BRWD3: variants seen among roughly 807,000 people sequenced by gnomAD.
BRWD3 encodes the protein bromodomain and WD repeat-containing protein 3.
In BRWD3, 10 loss-of-function variants were observed where a neutral mutation model predicts 149.7. The observed-to-expected ratio is 0.07, with a 90% CI of 0.04 to 0.11. BRWD3 has a LOEUF of 0.11. Among genes scored for constraint, BRWD3 ranks in the 10% least tolerant of loss-of-function variants. The probability of loss-of-function intolerance (pLI) is 1.00; values close to 1 mark genes in which losing one functional copy is unlikely to be tolerated. For synonymous variants in BRWD3, 504 were observed against 456.7 expected (o/e 1.10, Z -1.32); for missense variants, 940 against 1,373.2 (o/e 0.68, Z 4.99).
intron 6 of BRWD3, among the ~76,000 whole-genome samples, chrX:80,780,971 T>C (rs747921506): frequency 8.9e-6 from 1 of 111,830 alleles, no homozygotes; most frequent in East Asian, 2.8e-4. Context: ...GAGTGACATA[T>C]AACGACACAA....
intron 6 of BRWD3, among the ~76,000 whole-genome samples, chrX:80,770,431 G>A (rs1478782042): frequency 1.8e-5 from 2 of 111,708 alleles, no homozygotes; most frequent in South Asian, 3.7e-4. Flanking sequence ...TCCCTAGGAC[G>A]CAAGGCTGGT....
At chrX:80,732,996 G>A (rs1017082932) in intron 12 of BRWD3, among the ~76,000 whole-genome samples, 1 of 110,487 alleles carries the variant, frequency 9.1e-6, no homozygotes, top group African/African-American at 3.3e-5. Flanking sequence ...CAGGTGTGGT[G>A]GCATGCACCT....
In BRWD3 at chrX:80,809,803, G is replaced by GAGAGAGAGAC. The variant is rs2074394441; in HGVS notation, c.-333_-332insGTCTCTCTCT. ...AGAGAGAGAGAGAGAGAGAGAGAGA[G>GAGAGAGAGAC]ACGCGGGGGGTGGGGGGGCGGAGAG... On this transcript the variant is annotated 5_prime_UTR_variant, in exon 1 of 41. Coordinates refer to ENST00000373275, the MANE Select transcript of BRWD3 (RefSeq NM_153252.5). 3.3e-5 allele frequency: 5 copies of GAGAGAGAGAC among 150,089 alleles called. No homozygotes were observed. The highest frequency in any genetic ancestry group is 5.8e-5 in the Non-Finnish European group (5 of 86,866). The allele number at this position is 150,089 out of a possible 1,213,427, so 12.4% of individuals were successfully genotyped here.
At position 80,744,793 on chromosome X, in the gene BRWD3, T is replaced by C. The variant is rs188399835; in HGVS notation, c.592-540A>G. On this transcript the variant is annotated intron_variant, in intron 7 of 40. Coordinates refer to ENST00000373275, the MANE Select transcript of BRWD3 (RefSeq NM_153252.5). Reference sequence around the variant, plus strand: ...AGAAAAGTTACTTAACAATTATCTATTTATTAAAACATAGCATTCATCATC... The same window carrying C: ...AGAAAAGTTACTTAACAATTATCTACTTATTAAAACATAGCATTCATCATC... Among the ~76,000 whole-genome samples the C allele has an allele frequency of 4.5e-5, 5 of 111,408 alleles. No homozygotes were observed. In the East Asian group the frequency reaches 1.4e-3, roughly 31 times the overall value.
At chrX:80,797,221 T>C (rs57129345) in intron 4 of BRWD3, among the ~76,000 whole-genome samples, 2 of 111,852 alleles carry the variant, frequency 1.8e-5, no homozygotes, top group East Asian at 2.8e-4. Flanking sequence ...ATTCCTTTTT[T>C]CCCAAAACTG....
chrX:80,772,363 T>C lies in BRWD3; in HGVS notation c.430+19491A>G, dbSNP rs144885469. Among the ~76,000 whole-genome samples, 576 of 111,090 alleles carry C rather than the reference T, an allele frequency of 5.2e-3. 1 individual carries two copies. Among genetic ancestry groups the C allele is most frequent in the South Asian group, 0.011 (30 of 2,613 alleles). ...AACCATCATTCTGAGCAAACTATCA[T>C]AAGGACAGAAAACCGAACACCGCAT... On this transcript the variant is annotated intron_variant, in intron 6 of 40. Coordinates refer to ENST00000373275, the MANE Select transcript of BRWD3 (RefSeq NM_153252.5).
At chrX:80,731,041 C>A (rs746810422) in intron 12 of BRWD3, among the ~76,000 whole-genome samples, 8 of 111,335 alleles carry the variant, frequency 7.2e-5, no homozygotes, top group Non-Finnish European at 1.1e-4. Flanking sequence ...TCATACATAT[C>A]TTTGCTGAGT....
chrX:80,688,011 A>T, intron 34 of BRWD3, 58 bp downstream of exon 34: 1 of 953,707 alleles, frequency 1.0e-6, no homozygotes, highest in Non-Finnish European at 1.5e-6. Flanking sequence ...GGTCTTAGGG[A>T]TCACTGACAC....
In BRWD3 at chrX:80,723,755, T is replaced by C. The variant is rs765500490; in HGVS notation, c.1643A>G (p.Tyr548Cys). 12 of 1,209,089 alleles carry C rather than the reference T, an allele frequency of 9.9e-6. No individual in the cohort carries two copies. The highest frequency in any genetic ancestry group is 1.7e-5 in the African/African-American group (1 of 57,291). ...LLFGFGCSKYYEKIPDQMFFH... is the reference protein window; with the variant it reads ...LLFGFGCSKYCEKIPDQMFFH... ...AAATTTAAATATGCTAACCTTTTCG[T>C]AGTATTTACTGCATCCAAAACCAAA... Residue 548 changes from tyrosine to cysteine, a missense_variant, in exon 16 of 41, where the codon TAC becomes TGC. Around this residue, in one of 6 missense-constraint regions of BRWD3, gnomAD observed 209 missense variants for 396.8 expected, o/e 0.53. Transcript: ENST00000373275.
At chrX:80,764,987 C>T (rs773739794) in intron 6 of BRWD3, among the ~76,000 whole-genome samples, 3 of 111,492 alleles carry the variant, frequency 2.7e-5, no homozygotes, top group Non-Finnish European at 5.6e-5. Context: ...ATATATGGTG[C>T]TATTTTTCCC....
At chrX:80,733,208 G>C (rs926518593) in intron 12 of BRWD3, 1 of 292,067 alleles carries the variant, frequency 3.4e-6, no homozygotes, top group African/African-American at 2.8e-5. Context: ...TGACGTGGGT[G>C]CTAACAGAAA....
chrX:80,694,880 G>A (rs1259465699), intron 27 of BRWD3, among the ~76,000 whole-genome samples: 1 of 111,100 alleles, frequency 9.0e-6, no homozygotes, highest in Admixed American at 9.6e-5. Context: ...AGTTAATGCT[G>A]GAATGAGTTA....
At position 80,809,636 on chromosome X, in the gene BRWD3, C is replaced by T; in HGVS notation, c.-165G>A. The T allele has an allele frequency of 2.2e-6, 1 of 446,200 alleles. No homozygotes were observed. The highest frequency in any genetic ancestry group is 4.0e-6 in the Non-Finnish European group (1 of 252,239). The allele number at this position is 446,200 out of a possible 1,213,427, so 36.8% of individuals were successfully genotyped here. On this transcript the variant is annotated 5_prime_UTR_variant, in exon 1 of 41. Coordinates refer to ENST00000373275, the MANE Select transcript of BRWD3 (RefSeq NM_153252.5). ...CTCTCGAATTCATCGCATCACGTTTCGACCCATAGATATTCTAGCCCAAGA... is the reference window on the plus strand; with the variant it reads ...CTCTCGAATTCATCGCATCACGTTTTGACCCATAGATATTCTAGCCCAAGA...
rs188290431 is a variant in BRWD3 at position 80,769,379 on chromosome X, T to C, written c.430+22475A>G. On this transcript the variant is annotated intron_variant, in intron 6 of 40. Coordinates refer to ENST00000373275, the MANE Select transcript of BRWD3 (RefSeq NM_153252.5). ...TCAGCAAATGTAAAAGAACACAAAT[T>C]ATAACAAACTGTCTCTCAGACCACA... is the stretch of plus-strand genomic sequence containing the variant. 5.5e-3 allele frequency among the ~76,000 whole-genome samples: 608 copies of C among 111,374 alleles called. 4 individuals carry two copies. The highest frequency in any genetic ancestry group is 9.3e-3 in the Non-Finnish European group (493 of 53,033).
At position 80,672,733 on chromosome X, in the gene BRWD3, G is replaced by C. The variant is rs1207952824; in HGVS notation, c.*3876C>G. ...GATGGGGTTAGCATTTAAAACAATG[G>C]ACTTTACATGTCGAAAGTTCCATCC... On this transcript the variant is annotated 3_prime_UTR_variant, in exon 41 of 41. Coordinates refer to ENST00000373275, the MANE Select transcript of BRWD3 (RefSeq NM_153252.5). The C allele has an allele frequency of 9.0e-6, 1 of 111,295 alleles. No individual in the cohort carries two copies. Among genetic ancestry groups the C allele is most frequent in the Non-Finnish European group, 1.9e-5 (1 of 53,019 alleles). 9.2% of individuals were successfully genotyped at this position (111,295 alleles called of 1,213,427 possible). A position where few individuals can be genotyped will look rare whatever the true frequency, so the allele number is the denominator to read the frequency against.
intron 4 of BRWD3, 97 bp from the exon 5 acceptor site, chrX:80,793,869 A>C: frequency 1.1e-6 from 1 of 905,458 alleles, no homozygotes. Flanking sequence ...ATTATAGAGC[A>C]AAGTACAGTT....
intron 4 of BRWD3, among the ~76,000 whole-genome samples, chrX:80,801,366 G>A (rs1249291542): frequency 9.5e-6 from 1 of 105,657 alleles, no homozygotes; most frequent in African/African-American, 3.5e-5. Context: ...GATTACAGGC[G>A]CCTGCCACCG....
rs1450166114 is a variant in BRWD3 at position 80,746,968 on chromosome X, GTT to G, written c.431-1241_431-1240del. On this transcript the variant is annotated intron_variant, in intron 6 of 40. Coordinates refer to ENST00000373275, the MANE Select transcript of BRWD3 (RefSeq NM_153252.5). ...TTAGAACACATAAGAGACCTGAGTA[GTT>G]ATGTAATACTGCAAGATGCTGAGTA... 3 of 250,738 alleles carry G rather than the reference GTT, an allele frequency of 1.2e-5. No individual in the cohort carries two copies. In the Admixed American group the frequency reaches 2.8e-4, roughly 24 times the overall value. The allele number at this position is 250,738 out of a possible 1,213,427, so 20.7% of individuals were successfully genotyped here.
At chrX:80,790,901 GA>G (rs975806284) in intron 6 of BRWD3, among the ~76,000 whole-genome samples, 10 of 107,285 alleles carry the variant, frequency 9.3e-5, no homozygotes, top group Admixed American at 3.0e-4. Flanking sequence ...ACAACTCTTG[GA>G]AAAAAAAAAG....
Sources: allele counts gnomAD v4.1 joint callset (sites outside exome capture counted in the v4.1 genomes callset), GRCh38; gene constraint gnomAD v4.1.1; regional missense constraint gnomAD v4.1.1; transcripts MANE v1.5; gene names NCBI Gene and HGNC (gene_info 2026-07-23, HGNC 2026-07-21).